The following ABAT variants were observed in gnomAD, a reference collection of about 807,000 sequenced individuals.
The protein encoded by ABAT is 4-aminobutyrate aminotransferase.
In ABAT, 45 loss-of-function variants were observed where a neutral mutation model predicts 64.6. That is an observed-to-expected ratio of 0.70 (90% CI 0.55 to 0.89). The LOEUF (loss-of-function observed/expected upper bound fraction) is 0.89. Ranked by LOEUF, ABAT falls within the 40% of genes least tolerant of loss-of-function variation. ABAT has a pLI of 0.00. For synonymous variants in ABAT, 297 were observed against 250.5 expected, an observed-to-expected ratio of 1.19 and a Z score of -1.75; for missense variants, 633 against 658.4, an observed-to-expected ratio of 0.96 and a Z score of 0.42.
At chr16:8,724,008 T>C (rs1027255797) in intron 1 of ABAT, among the ~76,000 whole-genome samples, 8 of 151,378 alleles carry the variant, frequency 5.3e-5, no homozygotes, top group Admixed American at 2.0e-4. Context: ...GCATGGCTAA[T>C]TTTTATATTT....
intron 1 of ABAT, among the ~76,000 whole-genome samples, chr16:8,679,332 C>T (rs1038487967): frequency 5.9e-5 from 9 of 152,124 alleles, no homozygotes; most frequent in Admixed American, 5.2e-4. Flanking sequence ...AGGCTCATCT[C>T]AGCAGGCCAA....
intron 2 of ABAT, among the ~76,000 whole-genome samples, chr16:8,737,991 G>GAAAGAAAAAGAAAGAAAGAAAGAAAGAAA (rs55862439): frequency 6.7e-5 from 1 of 14,952 alleles, no homozygotes; most frequent in Non-Finnish European, 1.2e-4. Flanking sequence ...GAAGGAAGGA[G>GAAAGAAAAAGAAAGAAAGAAAGAAAGAAA]GAAAGAAAGA....
chr16:8,732,827 C>T (rs2058775442), intron 1 of ABAT, among the ~76,000 whole-genome samples: 2 of 146,806 alleles, frequency 1.4e-5, no homozygotes, highest in African/African-American at 5.1e-5. Flanking sequence ...ACCTCCCGGA[C>T]GGGGCGGCTG....
At chr16:8,779,350 G>A (rs924296927) in intron 14 of ABAT, 129 bp from the exon 15 acceptor site, 27 of 756,100 alleles carry the variant, frequency 3.6e-5, no homozygotes, top group Admixed American at 2.0e-5. Flanking sequence ...TTAACCCCCT[G>A]GAGGTCCTGC....
chr16:8,731,947 G>A (rs531780609), intron 1 of ABAT, among the ~76,000 whole-genome samples: 10 of 151,912 alleles, frequency 6.6e-5, no homozygotes, highest in South Asian at 4.2e-4. Flanking sequence ...TCTGCCTCCC[G>A]AGTTGAAGTG....
intron 1 of ABAT, among the ~76,000 whole-genome samples, chr16:8,694,831 G>A (rs909636364): frequency 6.6e-6 from 1 of 152,338 alleles, no homozygotes; most frequent in South Asian, 2.1e-4. Flanking sequence ...GTCTGTCCTG[G>A]GCTGTGTCCT....
chr16:8,753,297 G>T (rs112581075), intron 5 of ABAT, among the ~76,000 whole-genome samples: 1 of 151,894 alleles, frequency 6.6e-6, no homozygotes, highest in Non-Finnish European at 1.5e-5. Flanking sequence ...GGGTTTCACC[G>T]TGTTAGCCAG....
At chr16:8,755,016 C>T (rs935814578) in intron 5 of ABAT, among the ~76,000 whole-genome samples, 4 of 152,124 alleles carry the variant, frequency 2.6e-5, no homozygotes, top group East Asian at 1.9e-4. Flanking sequence ...TCTTCAAACT[C>T]GAGAATTTCT....
At chr16:8,744,279 G>A (rs1027241817) in intron 2 of ABAT, among the ~76,000 whole-genome samples, 1 of 152,114 alleles carries the variant, frequency 6.6e-6, no homozygotes, top group Non-Finnish European at 1.5e-5. Flanking sequence ...GAGGCCTCAG[G>A]AAACTTCCAA....
chr16:8,686,428 G>A (rs1376132280), intron 1 of ABAT, among the ~76,000 whole-genome samples: 1 of 152,180 alleles, frequency 6.6e-6, no homozygotes, highest in Non-Finnish European at 1.5e-5. Context: ...CAGGGTGAGT[G>A]GGAGAAAACA....
rs2057826499 is a variant in ABAT at position 8,701,692 on chromosome 16, T to C, written c.-42+26981T>C. Among the ~76,000 whole-genome samples, 3 of 152,106 alleles carry C rather than the reference T, an allele frequency of 2.0e-5. No homozygotes were observed. The South Asian group carries it at 6.2e-4, about 32-fold the overall frequency. Reference sequence around the variant, plus strand: ...CATTGTTCTGGGGATGCTGAGGAGATAGAGGTAAAATAGGAGATACCTGTT... The same window carrying C: ...CATTGTTCTGGGGATGCTGAGGAGACAGAGGTAAAATAGGAGATACCTGTT... On this transcript the variant is annotated intron_variant, in intron 1 of 15. Coordinates refer to ENST00000268251, the MANE Select transcript of ABAT (RefSeq NM_020686.6).
chr16:8,776,562 G>A lies in ABAT; in HGVS notation c.1269+72G>A. 6.9e-7 allele frequency: 1 copy of A among 1,454,880 alleles called. No individual in the cohort carries two copies. Among genetic ancestry groups the A allele is most frequent in the Non-Finnish European group, 9.4e-7 (1 of 1,064,938 alleles). 90.1% of individuals were successfully genotyped at this position (1,454,880 alleles called of 1,614,324 possible). ...CAGCAGCCTCCGGGGCAACACTGGA[G>A]CTCTTCGGCATGGTGTTGTGCCTGC... On this transcript the variant is annotated intron_variant, in intron 14 of 15. Transcript: ENST00000268251. This position sits in a 1 kb window ranked among gnomAD's most constrained non-coding sequence, Gnocchi z 4.4.
rs1567316694 is a variant in ABAT at position 8,775,003 on chromosome 16, C to A, written c.1068C>A (p.Ser356Arg). The A allele has an allele frequency of 6.2e-7, 1 of 1,614,224 alleles. No individual in the cohort carries two copies. Among genetic ancestry groups the A allele is most frequent in the Non-Finnish European group, 8.5e-7 (1 of 1,180,050 alleles). ...ACCCAGCAGACGTGATGACCTTCAG[C>A]AAGAAGATGATGACTGGGGGCTTCT... ...LDDPADVMTF[S>R]KKMMTGGFFH... is the part of the protein sequence containing the mutation. Residue 356 changes from serine (S) to arginine (R), a missense_variant, in exon 13 of 16, where the codon AGC (serine) becomes AGA (arginine). Physicochemically the swap from Ser to Arg is moderately radical, Grantham distance 110. Transcript: ENST00000268251.
chr16:8,694,758 G>A (rs1413501077), intron 1 of ABAT, among the ~76,000 whole-genome samples: 1 of 152,236 alleles, frequency 6.6e-6, no homozygotes, highest in Non-Finnish European at 1.5e-5. Flanking sequence ...TTCCAGTGGA[G>A]TGTGGAGTCA....
At chr16:8,751,007 G>A (rs1479496830) in intron 5 of ABAT, among the ~76,000 whole-genome samples, 1 of 146,674 alleles carries the variant, frequency 6.8e-6, no homozygotes, top group East Asian at 2.0e-4. Context: ...GGAGTGAAGT[G>A]GCGTGATCTT....
At chr16:8,740,201 G>A (rs1022430636) in intron 2 of ABAT, among the ~76,000 whole-genome samples, 1 of 152,112 alleles carries the variant, frequency 6.6e-6, no homozygotes, top group Non-Finnish European at 1.5e-5. Context: ...CAGGACCCGA[G>A]CCACTGTATT....
chr16:8,750,574 T>C lies in ABAT; in HGVS notation c.316+35T>C, dbSNP rs78980148. On this transcript the variant is annotated intron_variant, in intron 5 of 15. Coordinates refer to ENST00000268251, the MANE Select transcript of ABAT (RefSeq NM_020686.6). ...GGGAAATCATTCCTTGGATATAACC[T>C]CTGTTTCTGTCTCTCCTAGTCGTGG... 448 of 1,577,978 alleles carry C rather than the reference T, an allele frequency of 2.8e-4. No homozygotes were observed. In the East Asian group the frequency reaches 8.8e-3, roughly 31 times the overall value.
intron 5 of ABAT, chr16:8,757,179 T>G (rs918606506): frequency 2.2e-6 from 1 of 453,160 alleles, no homozygotes; most frequent in Non-Finnish European, 4.4e-6. Flanking sequence ...TTTTATTTAT[T>G]TATTTATTTA....
intron 4 of ABAT, among the ~76,000 whole-genome samples, chr16:8,748,787 T>C (rs2059400175): frequency 6.6e-6 from 1 of 152,210 alleles, no homozygotes; most frequent in African/African-American, 2.4e-5. Context: ...TTCTCTCTAG[T>C]AATATTTTTA....
Sources: allele counts gnomAD v4.1 joint callset (sites outside exome capture counted in the v4.1 genomes callset), GRCh38; gene constraint gnomAD v4.1.1; non-coding constraint Gnocchi (gnomAD v3.1); transcripts MANE v1.5; gene names NCBI Gene and HGNC (gene_info 2026-07-23, HGNC 2026-07-21).